ZDHHC9: variants seen among roughly 807,000 people sequenced by gnomAD.
ZDHHC9 encodes the protein palmitoyltransferase ZDHHC9.
ZDHHC9 carries 3 observed loss-of-function variants against 26.6 expected under a neutral mutation model. The observed-to-expected ratio is 0.11, with a 90% CI of 0.05 to 0.29. The LOEUF (loss-of-function observed/expected upper bound fraction) is 0.29. Ranked by LOEUF, ZDHHC9 falls within the 10% of genes least tolerant of loss-of-function variation. ZDHHC9 has a pLI of 1.00. For missense variants in ZDHHC9, 146 were observed against 296.4 expected (o/e 0.49, Z 3.73); for synonymous variants, 111 against 109.4 (o/e 1.01, Z -0.09).
Position 129,814,921 on chromosome X carries a change from GTT to G in ZDHHC9, c.488-128_488-127del, listed in dbSNP as rs749489279. The G allele has an allele frequency of 4.0e-3, 2,151 of 544,553 alleles. 4 individuals are homozygous for G. The highest frequency in any genetic ancestry group is 4.3e-3 in the Non-Finnish European group (1,574 of 364,533). 44.9% of individuals were successfully genotyped at this position (544,553 alleles called of 1,213,427 possible). A position where few individuals can be genotyped will look rare whatever the true frequency, so the allele number is the denominator to read the frequency against. On this transcript the variant is annotated intron_variant, in intron 5 of 10. Coordinates refer to ENST00000357166, the MANE Select transcript of ZDHHC9 (RefSeq NM_016032.4). ...CTATTTCAGTTGTAAAAAATATAGG[GTT>G]TTTTTTTTTTTTTACTTTTTCAAAA...
At position 129,820,953 on chromosome X, in the gene ZDHHC9, G is replaced by C. The variant is rs755686719; in HGVS notation, c.487+2726C>G. On this transcript the variant is annotated intron_variant, in intron 5 of 10. Coordinates refer to ENST00000357166, the MANE Select transcript of ZDHHC9 (RefSeq NM_016032.4). ...CTTCCCCACCCCTCAACAGGCCCCG[G>C]TGTGTGTTGTTCCCCTCCCTGTGTC... 5.4e-5 allele frequency among the ~76,000 whole-genome samples: 6 copies of C among 110,753 alleles called. No homozygotes were observed. In the South Asian group the frequency reaches 2.3e-3, roughly 43 times the overall value.
chrX:129,810,492 A>T (rs151118322), intron 10 of ZDHHC9, among the ~76,000 whole-genome samples: 124 of 111,867 alleles, frequency 1.1e-3, no homozygotes, highest in Non-Finnish European at 2.1e-3. Context: ...TACCACAGTA[A>T]CCACATCACT....
At chrX:129,808,149 T>C (rs1255505446) in intron 10 of ZDHHC9, among the ~76,000 whole-genome samples, 1 of 112,071 alleles carries the variant, frequency 8.9e-6, no homozygotes, top group Non-Finnish European at 1.9e-5. Flanking sequence ...TTTCCCCAAA[T>C]TGATCTATAG....
chrX:129,807,754 G>T (rs928185258), intron 10 of ZDHHC9, among the ~76,000 whole-genome samples: 1 of 112,019 alleles, frequency 8.9e-6, no homozygotes, highest in East Asian at 2.8e-4. Flanking sequence ...AGGAGGTGGA[G>T]GTTGCAGTGA....
intron 3 of ZDHHC9, among the ~76,000 whole-genome samples, chrX:129,838,176 T>G (rs1928301003): frequency 8.9e-6 from 1 of 112,370 alleles, no homozygotes; most frequent in South Asian, 3.6e-4. Flanking sequence ...CTTAAATACG[T>G]TTACCATGAA....
intron 5 of ZDHHC9, among the ~76,000 whole-genome samples, chrX:129,816,430 T>C (rs1391206365): frequency 2.7e-5 from 3 of 109,702 alleles, no homozygotes; most frequent in Non-Finnish European, 5.7e-5. Flanking sequence ...ACTGTATTTA[T>C]TGGAAAAAAA....
intron 9 of ZDHHC9, 71 bp downstream of exon 9, chrX:129,811,335 C>A: frequency 1.0e-6 from 1 of 967,595 alleles, no homozygotes; most frequent in Non-Finnish European, 1.5e-6. Flanking sequence ...AAAAACACAT[C>A]AGACAAGGTA....
chrX:129,824,710 C>CT (rs1362330173), intron 4 of ZDHHC9, among the ~76,000 whole-genome samples: 1 of 111,934 alleles, frequency 8.9e-6, no homozygotes, highest in Non-Finnish European at 1.9e-5. Context: ...CACAGAGTTC[C>CT]TTTTAATAGT....
chrX:129,826,800 G>A (rs1928025834), intron 4 of ZDHHC9, among the ~76,000 whole-genome samples: 2 of 110,238 alleles, frequency 1.8e-5, no homozygotes, highest in African/African-American at 3.3e-5. Flanking sequence ...GCTCACATGT[G>A]CACAAACCCA....
At chrX:129,826,303 G>GT (rs1928015719) in intron 4 of ZDHHC9, among the ~76,000 whole-genome samples, 1 of 111,042 alleles carries the variant, frequency 9.0e-6, no homozygotes, top group Non-Finnish European at 1.9e-5. Context: ...TCAGGAGGCC[G>GT]TATCAGGCAA....
chrX:129,811,336 A>G, intron 9 of ZDHHC9, 70 bp downstream of exon 9: 1 of 969,669 alleles, frequency 1.0e-6, no homozygotes, highest in Non-Finnish European at 1.5e-6. Context: ...AAAACACATC[A>G]GACAAGGTAA....
intron 3 of ZDHHC9, among the ~76,000 whole-genome samples, chrX:129,836,776 C>T (rs1928270964): frequency 8.9e-6 from 1 of 112,184 alleles, no homozygotes; most frequent in South Asian, 3.7e-4. Context: ...AAATGCCATG[C>T]TGCAATACCA....
Position 129,810,884 on chromosome X carries a change from C to G in ZDHHC9, c.978+21G>C, listed in dbSNP as rs748843995. Reference sequence around the variant, plus strand: ...CTCCGCCCTCTCTATATCGACCCAGCCTTAAGTCAGGAACACTTACTGGGC... The same window carrying G: ...CTCCGCCCTCTCTATATCGACCCAGGCTTAAGTCAGGAACACTTACTGGGC... On this transcript the variant is annotated intron_variant, in intron 10 of 10. Coordinates refer to ENST00000357166, the MANE Select transcript of ZDHHC9 (RefSeq NM_016032.4). 2.9e-5 allele frequency: 34 copies of G among 1,189,662 alleles called. No individual in the cohort carries two copies. In the South Asian group the frequency reaches 5.2e-4, roughly 18 times the overall value.
At chrX:129,837,271 A>G (rs1928282597) in intron 3 of ZDHHC9, among the ~76,000 whole-genome samples, 1 of 112,238 alleles carries the variant, frequency 8.9e-6, no homozygotes, top group African/African-American at 3.2e-5. Context: ...TGGGGGCTAC[A>G]CAGCCATTGA....
chrX:129,840,007 C>T (rs989144147), intron 3 of ZDHHC9, among the ~76,000 whole-genome samples: 1 of 111,748 alleles, frequency 8.9e-6, no homozygotes, highest in Non-Finnish European at 1.9e-5. Flanking sequence ...GTAGAAAACT[C>T]AACCTGCCTC....
rs760516091 is a variant in ZDHHC9, at chrX:129,804,309, A to C, written c.*2061T>G. On this transcript the variant is annotated 3_prime_UTR_variant, in exon 11 of 11. Transcript: ENST00000357166. ...AAAAAACTGAGAGAACCAGAAAAAG[A>C]AGCAGACAGGAGAGGGATCTGAGTC... is the stretch of plus-strand genomic sequence containing the variant. 5.4e-5 allele frequency: 6 copies of C among 111,638 alleles called. No individual in the cohort carries two copies. The highest frequency in any genetic ancestry group is 7.6e-4 in the South Asian group (2 of 2,638). 9.2% of individuals were successfully genotyped at this position (111,638 alleles called of 1,213,427 possible).
At chrX:129,816,672 G>T (rs1173664880) in intron 5 of ZDHHC9, among the ~76,000 whole-genome samples, 2 of 110,856 alleles carry the variant, frequency 1.8e-5, no homozygotes, top group Non-Finnish European at 3.8e-5. Context: ...ATAAAATCCA[G>T]TGCTAGTGAG....
intron 3 of ZDHHC9, among the ~76,000 whole-genome samples, chrX:129,836,312 C>A (rs948812419): frequency 7.3e-4 from 81 of 110,563 alleles, no homozygotes; most frequent in Middle Eastern, 4.6e-3. Flanking sequence ...GAGTTTTGTT[C>A]TTGTTTTGTT....
intron 5 of ZDHHC9, among the ~76,000 whole-genome samples, chrX:129,819,412 C>T (rs1223222991): frequency 1.8e-5 from 2 of 109,354 alleles, no homozygotes; most frequent in African/African-American, 6.7e-5. Context: ...TTGTAGAAAA[C>T]TTGAAAAAAA....
Sources: gnomAD v4.1 joint callset for allele counts (sites outside exome capture counted in the v4.1 genomes callset) on GRCh38, gnomAD v4.1.1 for gene constraint, MANE v1.5 for transcripts, NCBI Gene and HGNC (gene_info 2026-07-23, HGNC 2026-07-21) for gene names.